CTNNA3: variants seen among roughly 807,000 people sequenced by gnomAD.
CTNNA3 encodes the protein catenin alpha-3.
In CTNNA3, 76 loss-of-function variants were observed where a neutral mutation model predicts 95.7. That is an observed-to-expected ratio of 0.79 (90% CI 0.66 to 0.96). The LOEUF is 0.96. CTNNA3 is among the 40% of genes least tolerant of loss of function. The pLI is 0.00. For synonymous variants in CTNNA3, 431 were observed against 374.4 expected (o/e 1.15, Z -1.74); for missense variants, 1,191 against 1,089.8 (o/e 1.09, Z -1.31).
chr10:66,159,522 G>C (rs1295816733), intron 13 of CTNNA3, among the ~76,000 whole-genome samples: 1 of 151,746 alleles, frequency 6.6e-6, no homozygotes, highest in Non-Finnish European at 1.5e-5. Flanking sequence ...GATCATGGTA[G>C]ATTATCTTTT....
At chr10:67,195,119 C>T (rs1863289330) in intron 6 of CTNNA3, among the ~76,000 whole-genome samples, 1 of 150,878 alleles carries the variant, frequency 6.6e-6, no homozygotes, top group Admixed American at 6.6e-5. Flanking sequence ...CAAAGGAGTC[C>T]AGTCCATTTA....
intron 15 of CTNNA3, among the ~76,000 whole-genome samples, chr10:65,995,426 T>A (rs2078635598): frequency 6.6e-6 from 1 of 152,156 alleles, no homozygotes; most frequent in Non-Finnish European, 1.5e-5. Context: ...ATAGCCTCAG[T>A]GGTATCTGTG....
At chr10:67,695,975 T>C (rs1261064911) in intron 1 of CTNNA3, 25 bp downstream of exon 1, 1 of 152,208 alleles carries the variant, frequency 6.6e-6, no homozygotes, top group East Asian at 1.9e-4. Flanking sequence ...AGTTCAGCTC[T>C]TCTCTTTACA....
chr10:67,636,316 C>A (rs545272542), intron 2 of CTNNA3, among the ~76,000 whole-genome samples: 1 of 152,066 alleles, frequency 6.6e-6, no homozygotes, highest in Non-Finnish European at 1.5e-5. Flanking sequence ...AGAAAAAAAA[C>A]TATTTTAAAA....
chr10:67,605,569 T>C (rs1843243295), intron 3 of CTNNA3, among the ~76,000 whole-genome samples: 1 of 152,228 alleles, frequency 6.6e-6, no homozygotes, highest in African/African-American at 2.4e-5. Context: ...ATATGTCAAT[T>C]TACTTTATTA....
intron 10 of CTNNA3, among the ~76,000 whole-genome samples, chr10:66,615,370 T>C (rs1011219107): frequency 6.6e-6 from 1 of 152,010 alleles, no homozygotes; most frequent in East Asian, 1.9e-4. Context: ...TCAGTCCCCA[T>C]ATCACGCTAC....
intron 7 of CTNNA3, among the ~76,000 whole-genome samples, chr10:66,964,688 A>C (rs940476590): frequency 1.3e-5 from 2 of 152,130 alleles, no homozygotes; most frequent in Non-Finnish European, 2.9e-5. Flanking sequence ...AATTATACCT[A>C]CAGCCTGCAC....
intron 7 of CTNNA3, among the ~76,000 whole-genome samples, chr10:67,102,769 T>G (rs1858414200): frequency 6.6e-6 from 1 of 151,888 alleles, no homozygotes; most frequent in South Asian, 2.1e-4. Flanking sequence ...CCATATATCT[T>G]GTGTTATTAT....
intron 9 of CTNNA3, among the ~76,000 whole-genome samples, chr10:66,678,792 G>A (rs748511455): frequency 9.9e-5 from 15 of 152,098 alleles, no homozygotes; most frequent in Non-Finnish European, 2.2e-4. Flanking sequence ...CATCAAGAGT[G>A]TTCTAATTAA....
chr10:67,402,457 T>C (rs1235199072), intron 5 of CTNNA3, among the ~76,000 whole-genome samples: 2 of 152,188 alleles, frequency 1.3e-5, no homozygotes, highest in African/African-American at 4.8e-5. Flanking sequence ...TAGAAGTAGC[T>C]ATGGTGCATG....
At chr10:66,966,880 C>T (rs1849446752) in intron 7 of CTNNA3, among the ~76,000 whole-genome samples, 1 of 152,072 alleles carries the variant, frequency 6.6e-6, no homozygotes, top group South Asian at 2.1e-4. Flanking sequence ...TGTTTAGTAG[C>T]TTTTCCCATA....
At chr10:67,346,400 C>T (rs1411603124) in intron 5 of CTNNA3, among the ~76,000 whole-genome samples, 1 of 152,116 alleles carries the variant, frequency 6.6e-6, no homozygotes, top group East Asian at 1.9e-4. Flanking sequence ...TTTTCCATTT[C>T]TTGCAGGACA....
intron 6 of CTNNA3, among the ~76,000 whole-genome samples, chr10:67,181,921 G>A (rs1397127158): frequency 1.4e-4 from 21 of 151,996 alleles, no homozygotes; most frequent in Admixed American, 1.4e-3. Flanking sequence ...CCTGAGTCAT[G>A]AGTGAACTCC....
chr10:67,392,498 T>G (rs982182023), intron 5 of CTNNA3, among the ~76,000 whole-genome samples: 2 of 152,180 alleles, frequency 1.3e-5, no homozygotes, highest in South Asian at 4.1e-4. Flanking sequence ...GTCAGTGTGG[T>G]GATTCCTCAG....
intron 3 of CTNNA3, among the ~76,000 whole-genome samples, chr10:67,586,402 G>A (rs567849054): frequency 6.6e-6 from 1 of 152,244 alleles, no homozygotes; most frequent in South Asian, 2.1e-4. Flanking sequence ...AATGCCAGGA[G>A]TAGGGTGTTG....
rs775638559 is a variant in CTNNA3 at position 66,379,136 on chromosome 10, T to C, written c.1732+16A>G. ...AATAAGAGAAATTGTGCAGCTGTTA[T>C]TGGCAACTGACTTACCAGTACTTGT... On this transcript the variant is annotated intron_variant, in intron 12 of 17. Transcript: ENST00000433211. 21 of 1,595,084 alleles carry C rather than the reference T, an allele frequency of 1.3e-5. No homozygotes were observed. The highest frequency in any genetic ancestry group is 1.8e-5 in the Non-Finnish European group (21 of 1,162,852).
chr10:66,844,160 A>G (rs1469797099), intron 7 of CTNNA3, among the ~76,000 whole-genome samples: 2 of 152,248 alleles, frequency 1.3e-5, no homozygotes, highest in Non-Finnish European at 2.9e-5. Flanking sequence ...TTTACTGTGT[A>G]CCCTTAGATT....
intron 10 of CTNNA3, among the ~76,000 whole-genome samples, chr10:66,578,901 G>A (rs1843093484): frequency 6.7e-6 from 1 of 150,338 alleles, no homozygotes; most frequent in Admixed American, 6.6e-5. Context: ...AATAATTTCA[G>A]TAGGATTAGT....
intron 5 of CTNNA3, among the ~76,000 whole-genome samples, chr10:67,375,273 T>C (rs1420040630): frequency 2.0e-5 from 3 of 152,172 alleles, no homozygotes; most frequent in Non-Finnish European, 4.4e-5. Flanking sequence ...GGATAAATTA[T>C]TGGGTATCAC....
Sources: allele counts gnomAD v4.1 joint callset (sites outside exome capture counted in the v4.1 genomes callset), GRCh38; gene constraint gnomAD v4.1.1; transcripts MANE v1.5; gene names NCBI Gene and HGNC (gene_info 2026-07-23, HGNC 2026-07-21).